Variants in SIPA1L1 observed in about 807,000 individuals in gnomAD.
SIPA1L1 encodes the protein signal induced proliferation associated 1 like 1.
Under a neutral mutation model 162.7 loss-of-function variants are expected in SIPA1L1, and 26 were observed. That is an observed-to-expected ratio of 0.16 (90% CI 0.12 to 0.22). SIPA1L1 has a LOEUF of 0.22. Ranked by LOEUF, SIPA1L1 falls within the 10% of genes least tolerant of loss-of-function variation. SIPA1L1 has a pLI of 1.00. For missense variants in SIPA1L1, 1,874 were observed against 2,241.0 expected (o/e 0.84, Z 3.31); for synonymous variants, 829 against 837.4 (o/e 0.99, Z 0.17).
At chr14:71,420,549 C>T (rs2043110817) in intron 2 of SIPA1L1, among the ~76,000 whole-genome samples, 1 of 152,214 alleles carries the variant, frequency 6.6e-6, no homozygotes, top group South Asian at 2.1e-4. Context: ...CCAGATCACT[C>T]AGTCTTCACT....
intron 3 of SIPA1L1, 52 bp from the exon 4 acceptor site, chr14:71,529,260 T>C (rs1014912941): frequency 3.5e-6 from 2 of 572,038 alleles, no homozygotes; most frequent in Admixed American, 2.9e-5. Flanking sequence ...TATTGTATTT[T>C]AGTGAAATTT....
intron 7 of SIPA1L1, among the ~76,000 whole-genome samples, chr14:71,640,814 G>A (rs558350038): frequency 5.3e-5 from 8 of 152,176 alleles, no homozygotes; most frequent in Admixed American, 6.5e-5. Flanking sequence ...TAGTAGAAAC[G>A]GGGTTTCACT....
In SIPA1L1 at chr14:71,493,767, G is replaced by A. The variant is rs547154761; in HGVS notation, c.-464-18976G>A. On this transcript the variant is annotated intron_variant, in intron 2 of 23. Transcript: ENST00000381232. ...ATTCAAATGGATTAAGAAAATTAAC[G>A]TGTGTTTATATTTGGAAAACGTCAG... Among the ~76,000 whole-genome samples, 109 of 152,220 alleles carry A rather than the reference G, an allele frequency of 7.2e-4. 2 individuals carry two copies. The highest frequency in any genetic ancestry group is 3.9e-4 in the Admixed American group (6 of 15,282).
At chr14:71,455,042 C>T (rs1215345996) in intron 2 of SIPA1L1, among the ~76,000 whole-genome samples, 1 of 152,192 alleles carries the variant, frequency 6.6e-6, no homozygotes, top group Non-Finnish European at 1.5e-5. Context: ...CTAGATCCTT[C>T]ATGAGTGAAT....
At chr14:71,575,030 A>T (rs933048865) in intron 4 of SIPA1L1, 5 of 152,142 alleles carry the variant, frequency 3.3e-5, no homozygotes, top group African/African-American at 4.8e-5. Context: ...TGCCAGAATT[A>T]TTTGTATAGG....
At chr14:71,364,039 C>T (rs371312159) in intron 2 of SIPA1L1, among the ~76,000 whole-genome samples, 12 of 152,218 alleles carry the variant, frequency 7.9e-5, no homozygotes, top group Non-Finnish European at 1.0e-4. Context: ...TTATTGGGGA[C>T]TCAGGAGAGT....
chr14:71,717,496 A>G (rs970969062), intron 17 of SIPA1L1, among the ~76,000 whole-genome samples: 3 of 152,096 alleles, frequency 2.0e-5, no homozygotes, highest in Non-Finnish European at 4.4e-5. Context: ...CTTTTGTTAG[A>G]TATTATTGGT....
chr14:71,340,551 T>C (rs530361893), intron 2 of SIPA1L1, among the ~76,000 whole-genome samples: 12 of 152,326 alleles, frequency 7.9e-5, no homozygotes, highest in African/African-American at 2.9e-4. Context: ...TTCAGTTGCT[T>C]CCCTAGCTTT....
chr14:71,594,526 A>AT (rs1567271622), intron 5 of SIPA1L1, among the ~76,000 whole-genome samples: 1 of 152,206 alleles, frequency 6.6e-6, no homozygotes, highest in Non-Finnish European at 1.5e-5. Context: ...AAATATAATT[A>AT]TTCTACTTCT....
At chr14:71,623,154 A>G (rs1213015469) in intron 6 of SIPA1L1, among the ~76,000 whole-genome samples, 4 of 152,118 alleles carry the variant, frequency 2.6e-5, no homozygotes, top group Non-Finnish European at 5.9e-5. Flanking sequence ...TGTTGGGTAT[A>G]CTTGTCCTTC....
At chr14:71,701,397 T>G (rs897233132) in intron 14 of SIPA1L1, among the ~76,000 whole-genome samples, 5 of 151,938 alleles carry the variant, frequency 3.3e-5, no homozygotes, top group Non-Finnish European at 7.4e-5. Context: ...TTTTTTTTTT[T>G]TTTGTGGAGC....
intron 5 of SIPA1L1, among the ~76,000 whole-genome samples, chr14:71,593,218 T>C (rs983980350): frequency 1.3e-5 from 2 of 151,094 alleles, no homozygotes; most frequent in Non-Finnish European, 3.0e-5. Flanking sequence ...TTTATTTATT[T>C]ATTTATTTAT....
At chr14:71,340,574 T>A (rs1487287809) in intron 2 of SIPA1L1, among the ~76,000 whole-genome samples, 1 of 152,170 alleles carries the variant, frequency 6.6e-6, no homozygotes, top group Non-Finnish European at 1.5e-5. Flanking sequence ...GATGCTCCCC[T>A]AGTTTTCCGA....
At position 71,512,778 on chromosome 14, in the gene SIPA1L1, G is replaced by C. The variant is rs78886154; in HGVS notation, c.-429G>C. The C allele has an allele frequency of 1.6e-3, 246 of 153,028 alleles. 1 individual carries two copies. Among genetic ancestry groups the C allele is most frequent in the Middle Eastern group, 7.3e-3 (3 of 412 alleles). The allele number at this position is 153,028 out of a possible 1,614,324, so 9.5% of individuals were successfully genotyped here. On this transcript the variant is annotated 5_prime_UTR_variant, in exon 3 of 24. Coordinates refer to ENST00000381232, the MANE Select transcript of SIPA1L1 (RefSeq NM_001386936.1). The stretch of plus-strand genomic sequence containing the variant: ...TCCTGAAGACATTAGCTGAGAGTCT[G>C]GCACCTTTTAAAGGTCTGATCATCA...
chr14:71,645,214 C>T (rs1363247822), intron 7 of SIPA1L1, among the ~76,000 whole-genome samples: 4 of 152,196 alleles, frequency 2.6e-5, no homozygotes, highest in Admixed American at 2.6e-4. Context: ...TGATGATCAT[C>T]TTGTCTTCCT....
chr14:71,617,047 TGCAGCGGTACAATATCCTC>T (rs2038920467), intron 5 of SIPA1L1, among the ~76,000 whole-genome samples: 1 of 152,222 alleles, frequency 6.6e-6, no homozygotes, highest in African/African-American at 2.4e-5. Flanking sequence ...TGATCTGTGC[TGCAGCGGTACAATATCCTC>T]TGAGGGTATC....
chr14:71,569,225 G>A (rs140319960), intron 4 of SIPA1L1, among the ~76,000 whole-genome samples: 4 of 152,290 alleles, frequency 2.6e-5, no homozygotes, highest in Non-Finnish European at 5.9e-5. Flanking sequence ...ACCAGAGAGA[G>A]GGGCATGAAT....
intron 16 of SIPA1L1, among the ~76,000 whole-genome samples, chr14:71,706,945 G>T (rs2082484376): frequency 6.6e-6 from 1 of 150,682 alleles, no homozygotes; most frequent in Admixed American, 6.6e-5. Context: ...TGAGACAGGA[G>T]AACCGCTTGA....
intron 2 of SIPA1L1, among the ~76,000 whole-genome samples, chr14:71,511,601 G>T (rs1007562916): frequency 4.6e-5 from 7 of 152,224 alleles, no homozygotes; most frequent in African/African-American, 1.7e-4. Context: ...AGCATCTTTT[G>T]TTACAGTATT....
Sources: gnomAD v4.1 joint callset for allele counts (sites outside exome capture counted in the v4.1 genomes callset) on GRCh38, gnomAD v4.1.1 for gene constraint, MANE v1.5 for transcripts, NCBI Gene and HGNC (gene_info 2026-07-23, HGNC 2026-07-21) for gene names.